Variants in PSEN1 observed in about 807,000 individuals in gnomAD.
PSEN1 encodes the protein presenilin 1.
A neutral mutation model predicts 53.5 loss-of-function variants in PSEN1; 15 were observed. That is an observed-to-expected ratio of 0.28 (90% CI 0.19 to 0.43). The LOEUF (loss-of-function observed/expected upper bound fraction) is 0.43, where lower values mean the gene tolerates loss of function less well. PSEN1 is among the 20% of genes least tolerant of loss of function. PSEN1 has a pLI of 1.00. For synonymous variants in PSEN1, 208 were observed against 209.8 expected (o/e 0.99, Z 0.08); for missense variants, 387 against 571.2 (o/e 0.68, Z 3.29).
Position 73,173,553 on chromosome 14 carries a change from T to A in PSEN1, c.339-13T>A. ...AACACTGACCTAGGGCTTTTGTGTTTGTTTTATTGTAGAATCTATACCCCA... is the reference window on the plus strand; with the variant it reads ...AACACTGACCTAGGGCTTTTGTGTTAGTTTTATTGTAGAATCTATACCCCA... On this transcript the variant is annotated splice_polypyrimidine_tract_variant and intron_variant, in intron 4 of 11. Transcript: ENST00000324501. 6.2e-7 allele frequency: 1 copy of A among 1,613,864 alleles called. No homozygotes were observed. The highest frequency in any genetic ancestry group is 8.5e-7 in the Non-Finnish European group (1 of 1,179,712).
chr14:73,190,857 T>G (rs1898689069), intron 6 of PSEN1, among the ~76,000 whole-genome samples: 1 of 151,420 alleles, frequency 6.6e-6, no homozygotes, highest in Admixed American at 6.6e-5. Context: ...ATAGATTGTT[T>G]TTGTTTTTGT....
chr14:73,175,167 C>T (rs183402537), intron 5 of PSEN1, among the ~76,000 whole-genome samples: 100 of 152,178 alleles, frequency 6.6e-4, no homozygotes, highest in Admixed American at 1.4e-3. Context: ...GCTCTTGTCC[C>T]GCAGGCTGGA....
chr14:73,181,393 C>T (rs1218379593), intron 5 of PSEN1, among the ~76,000 whole-genome samples: 1 of 152,088 alleles, frequency 6.6e-6, no homozygotes, highest in Non-Finnish European at 1.5e-5. Context: ...GGTGAGATTG[C>T]GCCATTGCCC....
intron 8 of PSEN1, chr14:73,206,062 C>G (rs1295233675): frequency 3.1e-6 from 1 of 323,456 alleles, no homozygotes. Flanking sequence ...TTAGAACATT[C>G]AACTAGTCCA....
chr14:73,217,281 A>T lies in PSEN1; in HGVS notation c.1248+37A>T, dbSNP rs746032670. The stretch of plus-strand genomic sequence containing the variant: ...CTAATAAGAATGTGTCAGAGCTCTT[A>T]ATGTCAAAACTTTGATTACACAGTC... On this transcript the variant is annotated intron_variant, in intron 11 of 11. Coordinates refer to ENST00000324501, the MANE Select transcript of PSEN1 (RefSeq NM_000021.4). The T allele has an allele frequency of 1.9e-6, 3 of 1,611,768 alleles. No homozygotes were observed. The African/African-American group carries it at 4.0e-5, about 22-fold the overall frequency.
rs924937473 is a variant in PSEN1 at position 73,211,753 on chromosome 14, C to T, written c.956-16C>T. 1 of 1,613,866 alleles carries T rather than the reference C, an allele frequency of 6.2e-7. No homozygotes were observed. The highest frequency in any genetic ancestry group is 8.5e-7 in the Non-Finnish European group (1 of 1,179,854). ...TTTCTAAATATTAGAGCTGTAACTTCCACTTTCTCTTGAAGGCACAGAAAG... is the reference window on the plus strand; with the variant it reads ...TTTCTAAATATTAGAGCTGTAACTTTCACTTTCTCTTGAAGGCACAGAAAG... On this transcript the variant is annotated splice_polypyrimidine_tract_variant and intron_variant, in intron 9 of 11. Transcript: ENST00000324501.
chr14:73,200,278 T>TTG (rs1566646731), intron 8 of PSEN1, among the ~76,000 whole-genome samples: 1 of 152,122 alleles, frequency 6.6e-6, no homozygotes, highest in African/African-American at 2.4e-5. Flanking sequence ...TTAATCTTTT[T>TTG]TGTGTGTGTG....
intron 1 of PSEN1, among the ~76,000 whole-genome samples, chr14:73,144,799 G>C (rs1897025067): frequency 1.3e-5 from 2 of 152,170 alleles, no homozygotes; most frequent in African/African-American, 2.4e-5. Flanking sequence ...AATTTATTGT[G>C]TAAGATTATA....
chr14:73,192,207 A>C (rs1056075496), intron 6 of PSEN1, among the ~76,000 whole-genome samples: 3 of 151,970 alleles, frequency 2.0e-5, no homozygotes, highest in Non-Finnish European at 4.4e-5. Flanking sequence ...GGAGGCTGAG[A>C]CGGGTGGATT....
chr14:73,165,353 A>G (rs1199742514), intron 3 of PSEN1, among the ~76,000 whole-genome samples: 1 of 152,172 alleles, frequency 6.6e-6, no homozygotes, highest in African/African-American at 2.4e-5. Context: ...TTCTGGCTCA[A>G]ACGAATTCCT....
intron 8 of PSEN1, among the ~76,000 whole-genome samples, chr14:73,202,993 G>A (rs999417983): frequency 6.6e-6 from 1 of 151,800 alleles, no homozygotes; most frequent in Admixed American, 6.6e-5. Flanking sequence ...GATCAGGTAG[G>A]TTCAAGATTG....
chr14:73,221,246 T>C lies in PSEN1; in HGVS notation c.*1957T>C, dbSNP rs1372489927. 3 of 152,192 alleles carry C rather than the reference T, an allele frequency of 2.0e-5. No individual in the cohort carries two copies. The highest frequency in any genetic ancestry group is 4.4e-5 in the Non-Finnish European group (3 of 68,034). 9.4% of individuals were successfully genotyped at this position (152,192 alleles called of 1,614,324 possible). A position where few individuals can be genotyped will look rare whatever the true frequency, so the allele number is the denominator to read the frequency against. Reference sequence around the variant, plus strand: ...AATTCATTTTTTTCCATGAAATCCCTTCTTCCAAGATTCATTCCCTCTCTC... The same window carrying C: ...AATTCATTTTTTTCCATGAAATCCCCTCTTCCAAGATTCATTCCCTCTCTC... On this transcript the variant is annotated 3_prime_UTR_variant, in exon 12 of 12. Coordinates refer to ENST00000324501, the MANE Select transcript of PSEN1 (RefSeq NM_000021.4).
chr14:73,200,225 A>C (rs1358822509), intron 8 of PSEN1, among the ~76,000 whole-genome samples: 1 of 152,022 alleles, frequency 6.6e-6, no homozygotes, highest in Non-Finnish European at 1.5e-5. Context: ...ATCTGAATTT[A>C]TTTTGTAACT....
chr14:73,209,415 T>G (rs1285754840), intron 9 of PSEN1, among the ~76,000 whole-genome samples: 2 of 152,242 alleles, frequency 1.3e-5, no homozygotes, highest in African/African-American at 2.4e-5. Context: ...TAACCTGTGT[T>G]AAGCTAAAGA....
At chr14:73,214,507 G>A (rs1899830390) in intron 10 of PSEN1, among the ~76,000 whole-genome samples, 1 of 146,030 alleles carries the variant, frequency 6.8e-6, no homozygotes, top group African/African-American at 2.6e-5. Context: ...TCCAGCCTGG[G>A]CAACAAGAGC....
intron 3 of PSEN1, among the ~76,000 whole-genome samples, chr14:73,170,368 C>T (rs749796948): frequency 1.3e-5 from 2 of 152,204 alleles, no homozygotes; most frequent in Non-Finnish European, 2.9e-5. Context: ...TGCTCTGGTC[C>T]AAACGCCTCT....
At chr14:73,214,673 T>G (rs10146743) in intron 10 of PSEN1, among the ~76,000 whole-genome samples, 17,252 of 152,220 alleles carry the variant, frequency 0.11, 1,138 homozygotes, top group African/African-American at 0.19. Context: ...AAATCTTGAG[T>G]ACTTTGTGCT....
intron 1 of PSEN1, among the ~76,000 whole-genome samples, chr14:73,137,826 G>A (rs1450763044): frequency 6.6e-6 from 1 of 152,166 alleles, no homozygotes; most frequent in African/African-American, 2.4e-5. Context: ...GCTCACGCCT[G>A]TAATCCCAGC....
intron 7 of PSEN1, among the ~76,000 whole-genome samples, chr14:73,196,710 A>G (rs969229058): frequency 1.3e-5 from 2 of 151,598 alleles, no homozygotes; most frequent in African/African-American, 4.8e-5. Flanking sequence ...CCTGAGCACA[A>G]GTGATCTGCT....
Sources: allele counts gnomAD v4.1 joint callset (sites outside exome capture counted in the v4.1 genomes callset), GRCh38; gene constraint gnomAD v4.1.1; transcripts MANE v1.5; gene names NCBI Gene and HGNC (gene_info 2026-07-23, HGNC 2026-07-21).